The following JAZF1 variants were observed in gnomAD, a reference collection of about 807,000 sequenced individuals.
JAZF1 encodes JAZF zinc finger 1.
A neutral mutation model predicts 26.4 loss-of-function variants in JAZF1; 8 were observed. The observed-to-expected ratio is 0.30, with a 90% CI of 0.18 to 0.55. The LOEUF (loss-of-function observed/expected upper bound fraction) is 0.55. JAZF1 is among the 20% of genes least tolerant of loss of function. JAZF1 has a pLI of 0.94. For missense variants in JAZF1, 199 were observed against 322.0 expected (o/e 0.62, Z 2.92); for synonymous variants, 126 against 122.3 (o/e 1.03, Z -0.20).
chr7:27,910,216 G>C (rs1042812866), intron 2 of JAZF1, among the ~76,000 whole-genome samples: 2 of 152,160 alleles, frequency 1.3e-5, no homozygotes, highest in Admixed American at 6.5e-5. Context: ...AGGGAAAAAA[G>C]AATGACATAA....
At chr7:27,936,674 T>A (rs1378691552) in intron 2 of JAZF1, among the ~76,000 whole-genome samples, 1 of 152,252 alleles carries the variant, frequency 6.6e-6, no homozygotes, top group Admixed American at 6.5e-5. Flanking sequence ...TTTGTTTACT[T>A]TGACATGAGA....
rs190943075 is a variant in JAZF1 at position 27,878,424 on chromosome 7, T to G, written c.385+16796A>C. ...CCAGGTAATACTTATCCTTATGGAG[T>G]GTGAAACACTCTATTTTCTGTTTTT... On this transcript the variant is annotated intron_variant, in intron 3 of 4. Transcript: ENST00000283928. Among the ~76,000 whole-genome samples, 78 of 152,202 alleles carry G rather than the reference T, an allele frequency of 5.1e-4. 1 individual carries two copies. The highest frequency in any genetic ancestry group is 1.0e-3 in the Admixed American group (16 of 15,292).
At chr7:27,961,515 T>A (rs1785184577) in intron 2 of JAZF1, among the ~76,000 whole-genome samples, 1 of 152,234 alleles carries the variant, frequency 6.6e-6, no homozygotes, top group African/African-American at 2.4e-5. Flanking sequence ...GGTTTCTATT[T>A]GTCACCACAC....
chr7:27,910,040 G>A (rs1305319198), intron 2 of JAZF1, among the ~76,000 whole-genome samples: 1 of 152,186 alleles, frequency 6.6e-6, no homozygotes, highest in Non-Finnish European at 1.5e-5. Context: ...TGCAAAGGAG[G>A]AGCACTGTTA....
chr7:27,879,447 A>G (rs987060183), intron 3 of JAZF1, among the ~76,000 whole-genome samples: 8 of 152,190 alleles, frequency 5.3e-5, no homozygotes, highest in African/African-American at 1.7e-4. Flanking sequence ...AGAGAGGGAA[A>G]TGACTTCTTA....
chr7:27,901,262 A>G (rs920499405), intron 2 of JAZF1, among the ~76,000 whole-genome samples: 22 of 152,360 alleles, frequency 1.4e-4, no homozygotes, highest in Non-Finnish European at 1.8e-4. Context: ...ATTTGTAGCA[A>G]TATTTGTTAT....
At chr7:28,159,445 G>C (rs1270845246) in intron 1 of JAZF1, among the ~76,000 whole-genome samples, 3 of 151,878 alleles carry the variant, frequency 2.0e-5, no homozygotes, top group Non-Finnish European at 2.9e-5. Flanking sequence ...GACCGTGAGT[G>C]GGTGCAGCAC....
intron 2 of JAZF1, among the ~76,000 whole-genome samples, chr7:27,939,714 C>T (rs940608170): frequency 1.3e-5 from 2 of 152,192 alleles, no homozygotes; most frequent in African/African-American, 2.4e-5. Context: ...CATCAGCAAC[C>T]CTAATGTGTT....
At chr7:27,853,217 C>T (rs11973028) in intron 3 of JAZF1, among the ~76,000 whole-genome samples, 66,863 of 152,008 alleles carry the variant, frequency 0.44, 15,007 homozygotes, top group East Asian at 0.53. Context: ...CTTTCTGCAC[C>T]TTCCCTCCTC....
At chr7:28,085,864 G>A (rs1427317248) in intron 1 of JAZF1, among the ~76,000 whole-genome samples, 1 of 152,206 alleles carries the variant, frequency 6.6e-6, no homozygotes, top group Non-Finnish European at 1.5e-5. Context: ...TCCAGAGGCA[G>A]ACTTGTTGAA....
chr7:28,116,985 A>G (rs191309634), intron 1 of JAZF1, among the ~76,000 whole-genome samples: 13 of 151,926 alleles, frequency 8.6e-5, no homozygotes, highest in African/African-American at 3.1e-4. Flanking sequence ...CACCACACCC[A>G]GCTAATTTTT....
intron 1 of JAZF1, among the ~76,000 whole-genome samples, chr7:28,026,990 T>C (rs1783104979): frequency 6.6e-6 from 1 of 152,228 alleles, no homozygotes; most frequent in African/African-American, 2.4e-5. Context: ...CCATTACCCG[T>C]GTTTAAAAAC....
chr7:28,158,812 TGATATGGACATA>T (rs1433584615), intron 1 of JAZF1, among the ~76,000 whole-genome samples: 2 of 152,190 alleles, frequency 1.3e-5, no homozygotes, highest in Non-Finnish European at 2.9e-5. Flanking sequence ...GAATTCAATC[TGATATGGACATA>T]GACTGGGCTT....
At chr7:27,833,089 T>C (rs1782739472) in intron 4 of JAZF1, 113 bp from the exon 5 acceptor site, 2 of 779,192 alleles carry the variant, frequency 2.6e-6, no homozygotes, top group East Asian at 5.7e-5. Flanking sequence ...GTTTAGAGTG[T>C]AGTCTTTTGC....
chr7:27,886,932 G>C (rs1479102998), intron 3 of JAZF1, among the ~76,000 whole-genome samples: 1 of 152,178 alleles, frequency 6.6e-6, no homozygotes, highest in Non-Finnish European at 1.5e-5. Context: ...AAAAAAGAAT[G>C]AGATCATGTA....
chr7:27,986,649 C>G (rs995984874), intron 2 of JAZF1, among the ~76,000 whole-genome samples: 1 of 96,792 alleles, frequency 1.0e-5, no homozygotes, highest in Non-Finnish European at 2.1e-5. Context: ...CCCCCTCCCC[C>G]TCTCCCTCCC....
intron 3 of JAZF1, among the ~76,000 whole-genome samples, chr7:27,885,250 A>G (rs1253820890): frequency 6.6e-6 from 1 of 152,240 alleles, no homozygotes; most frequent in Non-Finnish European, 1.5e-5. Context: ...ATGTGGGCAC[A>G]TCCTTCAACA....
At chr7:27,902,947 C>T (rs1784189580) in intron 2 of JAZF1, among the ~76,000 whole-genome samples, 1 of 143,256 alleles carries the variant, frequency 7.0e-6, no homozygotes, top group African/African-American at 2.6e-5. Flanking sequence ...ACCTGGGAGG[C>T]GGAGCCTGCA....
At chr7:28,144,876 T>A (rs1783002227) in intron 1 of JAZF1, among the ~76,000 whole-genome samples, 1 of 152,244 alleles carries the variant, frequency 6.6e-6, no homozygotes, top group Non-Finnish European at 1.5e-5. Context: ...CCAGTATTAT[T>A]ACTCATATTC....
Sources: allele counts gnomAD v4.1 joint callset (sites outside exome capture counted in the v4.1 genomes callset), GRCh38; gene constraint gnomAD v4.1.1; transcripts MANE v1.5; gene names NCBI Gene and HGNC (gene_info 2026-07-23, HGNC 2026-07-21).